Variants in CHST11 observed in about 807,000 individuals in gnomAD.
CHST11 encodes carbohydrate sulfotransferase 11.
A neutral mutation model predicts 30.4 loss-of-function variants in CHST11; 9 were observed. The observed-to-expected ratio is 0.30, with a 90% confidence interval of 0.18 to 0.52. The LOEUF (loss-of-function observed/expected upper bound fraction) is 0.52. CHST11 is among the 20% of genes least tolerant of loss of function. The probability of loss-of-function intolerance (pLI) is 0.97; values close to 1 mark genes in which losing one functional copy is unlikely to be tolerated. For missense variants in CHST11, 348 were observed against 460.6 expected, an observed-to-expected ratio of 0.76 and a Z score of 2.24; for synonymous variants, 152 against 187.8, an observed-to-expected ratio of 0.81 and a Z score of 1.56.
chr12:104,619,514 C>T (rs2039140127), intron 2 of CHST11, among the ~76,000 whole-genome samples: 1 of 152,184 alleles, frequency 6.6e-6, no homozygotes, highest in Admixed American at 6.5e-5. Flanking sequence ...TTTAGCCACT[C>T]CACTGGGTCG....
intron 2 of CHST11, among the ~76,000 whole-genome samples, chr12:104,710,609 C>G (rs2040079138): frequency 6.6e-6 from 1 of 152,176 alleles, no homozygotes; most frequent in South Asian, 2.1e-4. Context: ...CCTGGAAGGT[C>G]TGGGAGGGCC....
intron 2 of CHST11, among the ~76,000 whole-genome samples, chr12:104,744,679 G>T (rs566078395): frequency 6.6e-6 from 1 of 151,984 alleles, no homozygotes; most frequent in South Asian, 2.1e-4. Flanking sequence ...GTCTTTTCCC[G>T]TGTGTATGTC....
intron 1 of CHST11, among the ~76,000 whole-genome samples, chr12:104,573,876 A>T (rs920839930): frequency 6.6e-6 from 1 of 152,234 alleles, no homozygotes; most frequent in African/African-American, 2.4e-5. Flanking sequence ...TAATGAAACT[A>T]AAGACCTTCT....
chr12:104,717,404 G>T (rs1057333021), intron 2 of CHST11, among the ~76,000 whole-genome samples: 3 of 152,146 alleles, frequency 2.0e-5, no homozygotes, highest in African/African-American at 7.2e-5. Flanking sequence ...TTTCTGAATT[G>T]CATGGCTCCA....
chr12:104,557,734 G>C (rs2038471454), intron 1 of CHST11, among the ~76,000 whole-genome samples: 1 of 152,090 alleles, frequency 6.6e-6, no homozygotes, highest in Non-Finnish European at 1.5e-5. Flanking sequence ...AGGGAAGGAA[G>C]TGGGAAGAGA....
At chr12:104,633,662 G>A (rs952173411) in intron 2 of CHST11, among the ~76,000 whole-genome samples, 1 of 151,882 alleles carries the variant, frequency 6.6e-6, no homozygotes, top group Non-Finnish European at 1.5e-5. Context: ...AGTTCCGCCT[G>A]CCTCGGCCTC....
intron 2 of CHST11, among the ~76,000 whole-genome samples, chr12:104,694,662 G>A (rs933340420): frequency 6.6e-6 from 1 of 152,140 alleles, no homozygotes; most frequent in African/African-American, 2.4e-5. Context: ...ATAAAGTGAA[G>A]CAGGAACGAG....
intron 1 of CHST11, among the ~76,000 whole-genome samples, chr12:104,515,597 G>A (rs1053899411): frequency 5.3e-5 from 8 of 152,312 alleles, no homozygotes; most frequent in Admixed American, 5.2e-4. Flanking sequence ...TAAGGAAAAT[G>A]CAGTGACACA....
chr12:104,732,526 T>C (rs1456892223), intron 2 of CHST11, among the ~76,000 whole-genome samples: 1 of 152,248 alleles, frequency 6.6e-6, no homozygotes, highest in Non-Finnish European at 1.5e-5. Context: ...TCTCTGAGTC[T>C]CCTCACGTCT....
At position 104,582,696 on chromosome 12, in the gene CHST11, T is replaced by C. The variant is rs1321451638; in HGVS notation, c.119-19210T>C. On this transcript the variant is annotated intron_variant, in intron 1 of 2. Transcript: ENST00000303694. ...TAACTGTGTACCGTTGGCAAGAACCTCTCTGCACTTGTTTCCTCATCTGTA... is the reference window on the plus strand; with the variant it reads ...TAACTGTGTACCGTTGGCAAGAACCCCTCTGCACTTGTTTCCTCATCTGTA... Among the ~76,000 whole-genome samples, 4 of 152,044 alleles carry C rather than the reference T, an allele frequency of 2.6e-5. No homozygotes were observed. In the East Asian group the frequency reaches 5.8e-4, roughly 22 times the overall value.
chr12:104,720,937 G>A (rs1431658651), intron 2 of CHST11, among the ~76,000 whole-genome samples: 1 of 152,296 alleles, frequency 6.6e-6, no homozygotes, highest in East Asian at 1.9e-4. Flanking sequence ...TTGAGAGGTC[G>A]TGGATGTAGG....
chr12:104,587,690 GC>G (rs796109840), intron 1 of CHST11, among the ~76,000 whole-genome samples: 15 of 152,228 alleles, frequency 9.9e-5, no homozygotes, highest in African/African-American at 3.4e-4. Context: ...TCACCATCCT[GC>G]CCGGCTCAAG....
intron 1 of CHST11, among the ~76,000 whole-genome samples, chr12:104,596,162 A>T (rs762578451): frequency 5.3e-5 from 8 of 152,204 alleles, no homozygotes; most frequent in Non-Finnish European, 1.0e-4. Context: ...CACTCCTCTA[A>T]CTTGATGAGG....
intron 2 of CHST11, among the ~76,000 whole-genome samples, chr12:104,651,959 A>G (rs939666096): frequency 6.6e-6 from 1 of 152,178 alleles, no homozygotes. Flanking sequence ...CTTTCCTTGC[A>G]TGAGCCACAG....
At chr12:104,527,132 T>C (rs1472255061) in intron 1 of CHST11, among the ~76,000 whole-genome samples, 1 of 152,136 alleles carries the variant, frequency 6.6e-6, no homozygotes, top group Non-Finnish European at 1.5e-5. Flanking sequence ...CAGAGATAAA[T>C]AGGGCCTTTA....
chr12:104,743,036 T>C (rs187415203), intron 2 of CHST11, among the ~76,000 whole-genome samples: 62 of 152,334 alleles, frequency 4.1e-4, no homozygotes, highest in Non-Finnish European at 5.9e-4. Context: ...CGAGGCCTCA[T>C]TGGCCGTCTT....
At chr12:104,665,368 T>G (rs1555241951) in intron 2 of CHST11, among the ~76,000 whole-genome samples, 2 of 152,176 alleles carry the variant, frequency 1.3e-5, no homozygotes, top group Non-Finnish European at 2.9e-5. Context: ...GAGTCTAGTC[T>G]TAAAAACGTT....
chr12:104,748,636 A>G (rs528555562), intron 2 of CHST11, among the ~76,000 whole-genome samples: 16 of 152,286 alleles, frequency 1.1e-4, no homozygotes, highest in African/African-American at 3.6e-4. Context: ...AGCAAGGCAC[A>G]TCTACAGGCC....
intron 2 of CHST11, among the ~76,000 whole-genome samples, chr12:104,634,466 G>T (rs576547050): frequency 6.6e-6 from 1 of 152,174 alleles, no homozygotes; most frequent in Admixed American, 6.5e-5. Context: ...CCTGGAGCTG[G>T]TCCCTGAAGA....
Sources: gnomAD v4.1 joint callset for allele counts (sites outside exome capture counted in the v4.1 genomes callset) on GRCh38, gnomAD v4.1.1 for gene constraint, MANE v1.5 for transcripts, NCBI Gene and HGNC (gene_info 2026-07-23, HGNC 2026-07-21) for gene names.